COL24A1: variants seen among roughly 807,000 people sequenced by gnomAD.
COL24A1 encodes the protein collagen type XXIV alpha 1 chain.
Under a neutral mutation model 253.9 loss-of-function variants are expected in COL24A1, and 224 were observed. The observed-to-expected ratio is 0.88, with a 90% CI of 0.79 to 0.99. The LOEUF (loss-of-function observed/expected upper bound fraction) is 0.99. Among genes scored for constraint, COL24A1 ranks in the 50% least tolerant of loss-of-function variants. The pLI, the probability that COL24A1 is intolerant of heterozygous loss-of-function variation, is 0.00. For synonymous variants in COL24A1, 685 were observed against 673.7 expected, an observed-to-expected ratio of 1.02 and a Z score of -0.26; for missense variants, 2,131 against 2,068.5, an observed-to-expected ratio of 1.03 and a Z score of -0.59.
At chr1:85,823,021 C>T (rs1673823202) in intron 45 of COL24A1, among the ~76,000 whole-genome samples, 1 of 152,166 alleles carries the variant, frequency 6.6e-6, no homozygotes, top group African/African-American at 2.4e-5. Flanking sequence ...CCTACTTGCC[C>T]ATGCTATATT....
At chr1:86,054,232 C>G (rs1700516839) in intron 10 of COL24A1, among the ~76,000 whole-genome samples, 1 of 151,982 alleles carries the variant, frequency 6.6e-6, no homozygotes, top group African/African-American at 2.4e-5. Flanking sequence ...GGACACCGGC[C>G]TAGGCAAAGA....
chr1:85,997,729 C>T (rs1322376655), intron 19 of COL24A1, among the ~76,000 whole-genome samples: 1 of 147,570 alleles, frequency 6.8e-6, no homozygotes, highest in African/African-American at 2.5e-5. Context: ...TGCAGTGAGC[C>T]AAGATCGCGC....
intron 43 of COL24A1, among the ~76,000 whole-genome samples, chr1:85,834,134 A>C (rs1048766881): frequency 6.6e-6 from 1 of 152,108 alleles, no homozygotes; most frequent in Non-Finnish European, 1.5e-5. Flanking sequence ...AAATTTAAAA[A>C]AAAAGTAAAT....
intron 24 of COL24A1, among the ~76,000 whole-genome samples, chr1:85,925,517 C>T (rs1405551547): frequency 9.9e-5 from 15 of 152,058 alleles, no homozygotes; most frequent in Non-Finnish European, 1.3e-4. Context: ...GAAATAACGC[C>T]GCATATCTAC....
intron 4 of COL24A1, 132 bp from the exon 5 acceptor site, chr1:86,112,752 T>G: frequency 1.4e-5 from 10 of 698,228 alleles, no homozygotes; most frequent in Non-Finnish European, 2.3e-5. Flanking sequence ...TATGTATGCC[T>G]TAAAGACCTA....
intron 10 of COL24A1, among the ~76,000 whole-genome samples, chr1:86,054,537 G>GA: frequency 6.6e-6 from 1 of 152,066 alleles, no homozygotes; most frequent in African/African-American, 2.4e-5. Flanking sequence ...CCCAAAACAT[G>GA]AAAAAATGCT....
chr1:85,881,939 T>C (rs1024697457), intron 32 of COL24A1, among the ~76,000 whole-genome samples: 1 of 152,204 alleles, frequency 6.6e-6, no homozygotes, highest in Non-Finnish European at 1.5e-5. Context: ...AGATTACTAA[T>C]CTTAAGTATT....
At chr1:86,103,417 T>G (rs1704647510) in intron 5 of COL24A1, among the ~76,000 whole-genome samples, 2 of 152,174 alleles carry the variant, frequency 1.3e-5, no homozygotes, top group South Asian at 4.1e-4. Context: ...GATACTGTCT[T>G]CATGATGTTA....
chr1:85,921,072 T>G (rs375043146), intron 24 of COL24A1, among the ~76,000 whole-genome samples: 6 of 152,276 alleles, frequency 3.9e-5, no homozygotes, highest in African/African-American at 1.4e-4. Context: ...GCTCATCTCA[T>G]TGGGACTGGT....
intron 19 of COL24A1, among the ~76,000 whole-genome samples, chr1:86,011,217 G>A (rs985222351): frequency 6.6e-6 from 1 of 152,080 alleles, no homozygotes; most frequent in African/African-American, 2.4e-5. Flanking sequence ...TCTGCACCTT[G>A]TAGTTATCCA....
At chr1:86,071,928 G>T (rs1217748632) in intron 7 of COL24A1, among the ~76,000 whole-genome samples, 1 of 152,134 alleles carries the variant, frequency 6.6e-6, no homozygotes, top group Non-Finnish European at 1.5e-5. Context: ...CCCTCCCCTA[G>T]CCAAGGGAAG....
intron 35 of COL24A1, among the ~76,000 whole-genome samples, chr1:85,869,495 T>A (rs1680177248): frequency 6.6e-6 from 1 of 152,164 alleles, no homozygotes; most frequent in African/African-American, 2.4e-5. Context: ...TAACAGCGGA[T>A]CTCTTGGCAG....
chr1:85,878,158 A>G (rs1558501642), intron 32 of COL24A1, among the ~76,000 whole-genome samples: 1 of 152,208 alleles, frequency 6.6e-6, no homozygotes, highest in East Asian at 1.9e-4. Context: ...TCAGGATTCT[A>G]TAACAAAATA....
intron 5 of COL24A1, among the ~76,000 whole-genome samples, chr1:86,100,201 C>A (rs1341609706): frequency 6.6e-6 from 1 of 152,116 alleles, no homozygotes; most frequent in African/African-American, 2.4e-5. Flanking sequence ...TAACCTCATT[C>A]AGCTATTCTT....
chr1:85,756,283 G>A (rs1044340968), intron 55 of COL24A1, among the ~76,000 whole-genome samples: 4 of 152,014 alleles, frequency 2.6e-5, no homozygotes, highest in African/African-American at 9.7e-5. Context: ...GCCAGGCGTG[G>A]TGGAGGGCAC....
chr1:85,983,477 G>C (rs544385030), intron 20 of COL24A1, among the ~76,000 whole-genome samples: 1 of 151,928 alleles, frequency 6.6e-6, no homozygotes, highest in East Asian at 1.9e-4. Flanking sequence ...AAAATGAACA[G>C]AAAATAAAAG....
chr1:85,846,480 T>C (rs1375423226), intron 39 of COL24A1, among the ~76,000 whole-genome samples: 2 of 151,852 alleles, frequency 1.3e-5, no homozygotes, highest in African/African-American at 4.8e-5. Context: ...TGTAATATAT[T>C]TTGTAACATA....
intron 19 of COL24A1, among the ~76,000 whole-genome samples, chr1:86,008,185 A>G (rs1696146319): frequency 6.6e-6 from 1 of 152,238 alleles, no homozygotes; most frequent in Non-Finnish European, 1.5e-5. Context: ...TTAATCAAGT[A>G]TATATATTTG....
chr1:85,779,253 A>C (rs1250698570), intron 52 of COL24A1, among the ~76,000 whole-genome samples: 1 of 152,190 alleles, frequency 6.6e-6, no homozygotes, highest in Non-Finnish European at 1.5e-5. Context: ...TACTCAAAGT[A>C]ATTCCATCTC....
Sources: gnomAD v4.1 joint callset for allele counts (sites outside exome capture counted in the v4.1 genomes callset) on GRCh38, gnomAD v4.1.1 for gene constraint, MANE v1.5 for transcripts, NCBI Gene and HGNC (gene_info 2026-07-23, HGNC 2026-07-21) for gene names.